Variants in JAK2 observed in about 807,000 individuals in gnomAD.
JAK2 encodes the protein tyrosine-protein kinase JAK2.
A neutral mutation model predicts 139.3 loss-of-function variants in JAK2; 86 were observed. That is an observed-to-expected ratio of 0.62 (90% CI 0.52 to 0.74). JAK2 has a LOEUF of 0.74. Among genes scored for constraint, JAK2 ranks in the 30% least tolerant of loss-of-function variants. The pLI is 0.00. For missense variants in JAK2, 1,421 were observed against 1,360.3 expected (o/e 1.04, Z -0.70); for synonymous variants, 490 against 437.7 (o/e 1.12, Z -1.49).
chr9:5,057,436 G>A (rs528991422), intron 8 of JAK2, among the ~76,000 whole-genome samples: 5 of 152,042 alleles, frequency 3.3e-5, no homozygotes, highest in African/African-American at 1.2e-4. Flanking sequence ...ATTTTTAAGT[G>A]TACAGTTTAG....
intron 8 of JAK2, among the ~76,000 whole-genome samples, chr9:5,060,186 A>G (rs1818066093): frequency 6.6e-6 from 1 of 152,220 alleles, no homozygotes; most frequent in Non-Finnish European, 1.5e-5. Context: ...GAGCCTCCAG[A>G]GAGTTATAAT....
chr9:5,124,370 C>T (rs1357739739), intron 23 of JAK2, among the ~76,000 whole-genome samples: 5 of 151,540 alleles, frequency 3.3e-5, no homozygotes, highest in Non-Finnish European at 1.5e-5. Context: ...TGTAATCGAT[C>T]GAGTTAATTT....
intron 22 of JAK2, chr9:5,107,790 AT>A (rs1277349283): frequency 6.6e-6 from 1 of 152,108 alleles, no homozygotes; most frequent in African/African-American, 2.4e-5. Context: ...TTAAATATAC[AT>A]TTTACTCTAG....
chr9:5,119,503 G>A (rs1163426756), intron 22 of JAK2, among the ~76,000 whole-genome samples: 1 of 151,722 alleles, frequency 6.6e-6, no homozygotes, highest in South Asian at 2.1e-4. Flanking sequence ...AAATCATGAG[G>A]GCAGTCAGGA....
intron 22 of JAK2, among the ~76,000 whole-genome samples, chr9:5,122,486 C>A (rs1254060491): frequency 1.3e-5 from 2 of 152,038 alleles, no homozygotes; most frequent in Non-Finnish European, 2.9e-5. Context: ...ATTTTCACTT[C>A]TTAGAAGGTA....
chr9:5,088,898 T>G (rs932070322), intron 19 of JAK2, among the ~76,000 whole-genome samples: 1 of 152,122 alleles, frequency 6.6e-6, no homozygotes, highest in Non-Finnish European at 1.5e-5. Context: ...CCAAATACAG[T>G]CATATTGGGG....
At chr9:5,115,821 AC>A (rs1278243655) in intron 22 of JAK2, among the ~76,000 whole-genome samples, 12 of 152,176 alleles carry the variant, frequency 7.9e-5, no homozygotes, top group African/African-American at 2.7e-4. Flanking sequence ...AAAACCATAC[AC>A]CACTTGTTCT....
chr9:5,027,368 G>A lies in JAK2; in HGVS notation c.227-2415G>A, dbSNP rs749190856. On this transcript the variant is annotated intron_variant, in intron 3 of 24. Transcript: ENST00000381652. ...ATGCAATAATATTATGTCCAAAAAA[G>A]TACATACCTTAATTTAAAAATACTT... Among the ~76,000 whole-genome samples the A allele has an allele frequency of 5.9e-5, 9 of 152,086 alleles. 1 individual carries two copies. In the East Asian group the frequency reaches 1.3e-3, roughly 23 times the overall value.
chr9:5,069,870 C>T, intron 11 of JAK2, 55 bp from the exon 12 acceptor site: 1 of 1,202,228 alleles, frequency 8.3e-7, no homozygotes, highest in African/African-American at 1.5e-5. Context: ...CTCTTTGGAG[C>T]AATTCATACT....
Position 5,080,629 on chromosome 9 carries a change from T to A in JAK2, c.2380T>A (p.Phe794Ile). The change falls in exon 18 of 25, where the codon TTC becomes ATC. Residue 794 changes from phenylalanine (F) to isoleucine (I), a missense_variant. Coordinates refer to ENST00000381652, the MANE Select transcript of JAK2 (RefSeq NM_004972.4). ...INNCMDYEPD[F>I]RPSFRAIIRD... is the part of the protein sequence containing the mutation. ...TAATTGTATGGATTATGAACCAGAT[T>A]TCAGGCCTTCTTTCAGAGCCATCAT... is the stretch of plus-strand genomic sequence containing the variant. 2 of 1,607,434 alleles carry A rather than the reference T, an allele frequency of 1.2e-6. No individual in the cohort carries two copies. The highest frequency in any genetic ancestry group is 1.7e-6 in the Non-Finnish European group (2 of 1,178,238).
chr9:5,050,573 T>G, intron 5 of JAK2, 113 bp from the exon 6 acceptor site: 1 of 1,129,222 alleles, frequency 8.9e-7, no homozygotes, highest in Non-Finnish European at 1.3e-6. Flanking sequence ...GCCTGGCCAA[T>G]TTGTATCTTG....
intron 2 of JAK2, among the ~76,000 whole-genome samples, chr9:5,014,374 A>G (rs555195326): frequency 1.3e-5 from 2 of 152,244 alleles, no homozygotes; most frequent in South Asian, 2.1e-4. Flanking sequence ...CAGCTTTTAT[A>G]TACTCTTCAT....
intron 2 of JAK2, among the ~76,000 whole-genome samples, chr9:5,008,592 TC>T: frequency 6.6e-6 from 1 of 152,220 alleles, no homozygotes; most frequent in Non-Finnish European, 1.5e-5. Flanking sequence ...TGTGTTTTCA[TC>T]AGTGATTTTT....
rs1433763314 is a variant in JAK2, at chr9:5,127,221, G to C, written c.*430G>C. The C allele has an allele frequency of 8.6e-6, 2 of 232,984 alleles. No individual in the cohort carries two copies. The highest frequency in any genetic ancestry group is 6.0e-5 in the East Asian group (1 of 16,546). 14.4% of individuals were successfully genotyped at this position (232,984 alleles called of 1,614,324 possible). ...CTTGTGTGATGTTTTACACACATGA[G>C]GGCTGGTGTTCATTAATACTGTTTT... is the stretch of plus-strand genomic sequence containing the variant. On this transcript the variant is annotated 3_prime_UTR_variant, in exon 25 of 25. Transcript: ENST00000381652.
chr9:4,990,503 T>C (rs1820179527), intron 2 of JAK2, among the ~76,000 whole-genome samples: 1 of 152,124 alleles, frequency 6.6e-6, no homozygotes, highest in African/African-American at 2.4e-5. Context: ...GACTAGAATT[T>C]GTTAGCGAAG....
At chr9:5,034,645 A>G (rs975818327) in intron 4 of JAK2, among the ~76,000 whole-genome samples, 2 of 152,102 alleles carry the variant, frequency 1.3e-5, no homozygotes, top group Non-Finnish European at 2.9e-5. Context: ...ACTACTGGGT[A>G]CATAACGAAA....
intron 9 of JAK2, among the ~76,000 whole-genome samples, chr9:5,065,340 T>A (rs936631323): frequency 6.6e-6 from 1 of 152,234 alleles, no homozygotes; most frequent in Non-Finnish European, 1.5e-5. Context: ...TTATGTTTTA[T>A]TAATTTTAAA....
In JAK2 at chr9:5,126,772, G is replaced by C; in HGVS notation, c.3380G>C (p.Arg1127Thr). Residue 1127 changes from arginine (R) to threonine (T), a missense_variant, in exon 25 of 25, where the codon AGG (arginine) becomes ACG (threonine). Coordinates refer to ENST00000381652, the MANE Select transcript of JAK2 (RefSeq NM_004972.4). The stretch of plus-strand genomic sequence containing the variant: ...CTAGCTCTTCGAGTGGATCAAATAA[G>C]GGATAACATGGCTGGATGAAAGAAA... ...RDLALRVDQI[R>T]DNMAG The C allele has an allele frequency of 1.2e-6, 2 of 1,605,548 alleles. No individual in the cohort carries two copies. The highest frequency in any genetic ancestry group is 1.7e-6 in the Non-Finnish European group (2 of 1,173,786).
intron 22 of JAK2, among the ~76,000 whole-genome samples, chr9:5,103,506 G>T (rs1411725621): frequency 6.6e-6 from 1 of 152,064 alleles, no homozygotes; most frequent in Non-Finnish European, 1.5e-5. Flanking sequence ...ATAATAGACA[G>T]ATCAATGAGA....
Sources: gnomAD v4.1 joint callset for allele counts (sites outside exome capture counted in the v4.1 genomes callset) on GRCh38, gnomAD v4.1.1 for gene constraint, MANE v1.5 for transcripts, NCBI Gene and HGNC (gene_info 2026-07-23, HGNC 2026-07-21) for gene names.